Variants in PDE8B observed in about 807,000 individuals in gnomAD.
The protein encoded by PDE8B is high affinity cAMP-specific and IBMX-insensitive 3',5'-cyclic phosphodiesterase 8B.
In PDE8B, 26 loss-of-function variants were observed where a neutral mutation model predicts 101.3. The ratio of observed to expected loss-of-function variants is 0.26; its 90% CI spans 0.19 to 0.36. PDE8B has a LOEUF of 0.36. PDE8B is among the 10% of genes least tolerant of loss of function. The pLI is 1.00. For synonymous variants in PDE8B, 424 were observed against 429.3 expected (o/e 0.99, Z 0.15); for missense variants, 810 against 1,163.1 (o/e 0.70, Z 4.42).
At chr5:77,126,555 A>G in the PDE8B span, among the ~76,000 whole-genome samples, 2 of 152,114 alleles carry the variant, frequency 1.3e-5, no homozygotes, top group South Asian at 4.1e-4. Context: ...CCTCCCGAGT[A>G]GCTGGGACTA....
At chr5:77,245,454 A>G (rs975803562) in intron 1 of PDE8B, among the ~76,000 whole-genome samples, 1 of 152,248 alleles carries the variant, frequency 6.6e-6, no homozygotes, top group Non-Finnish European at 1.5e-5. Flanking sequence ...ATTATCATTA[A>G]CAATGACTAT....
At position 77,344,948 on chromosome 5, in the gene PDE8B, C is replaced by G; in HGVS notation, c.876+17C>G. On this transcript the variant is annotated intron_variant, in intron 7 of 21. Transcript: ENST00000264917. ...GTGATTCAGGTATGGAAAGAAACCA[C>G]CTCTATCATTAACATTCAAAATGAA... is the stretch of plus-strand genomic sequence containing the variant. The G allele has an allele frequency of 5.2e-6, 8 of 1,530,058 alleles. No individual in the cohort carries two copies. The highest frequency in any genetic ancestry group is 7.3e-6 in the Non-Finnish European group (8 of 1,103,254). 94.8% of individuals were successfully genotyped at this position (1,530,058 alleles called of 1,614,324 possible).
At chr5:77,382,465 G>C (rs1344274888) in intron 10 of PDE8B, among the ~76,000 whole-genome samples, 1 of 152,086 alleles carries the variant, frequency 6.6e-6, no homozygotes, top group Non-Finnish European at 1.5e-5. Flanking sequence ...AAGTTCTGGG[G>C]TACATGTGCA....
chr5:77,325,480 T>C, intron 2 of PDE8B, 59 bp from the exon 3 acceptor site: 1 of 1,530,014 alleles, frequency 6.5e-7, no homozygotes, highest in South Asian at 1.1e-5. Context: ...CTAGGCTTGT[T>C]TTTAATAGTC....
chr5:77,355,404 C>T (rs905457485), intron 10 of PDE8B, among the ~76,000 whole-genome samples: 2 of 152,148 alleles, frequency 1.3e-5, no homozygotes. Context: ...GAGGCTGCAG[C>T]GAATGGCAAT....
chr5:77,172,306 G>A, the PDE8B span, among the ~76,000 whole-genome samples: 1 of 152,176 alleles, frequency 6.6e-6, no homozygotes, highest in African/African-American at 2.4e-5. Context: ...TGAATAACCT[G>A]ACTGATGAAA....
chr5:77,340,310 A>G (rs985336373), intron 6 of PDE8B, among the ~76,000 whole-genome samples: 1 of 152,200 alleles, frequency 6.6e-6, no homozygotes, highest in African/African-American at 2.4e-5. Context: ...CACATCTCTC[A>G]GTATTAACAG....
chr5:77,107,230 C>T, the PDE8B span, among the ~76,000 whole-genome samples: 1 of 152,210 alleles, frequency 6.6e-6, no homozygotes, highest in African/African-American at 2.4e-5. Context: ...AGGACACGAA[C>T]TCATCCTTTT....
the PDE8B span, among the ~76,000 whole-genome samples, chr5:77,198,229 C>T: frequency 6.6e-6 from 1 of 152,148 alleles, no homozygotes; most frequent in Admixed American, 6.5e-5. Context: ...GGATTCTCTA[C>T]TGAATGCCCT....
At chr5:77,363,306 GCA>G (rs1296063530) in intron 10 of PDE8B, among the ~76,000 whole-genome samples, 1 of 152,204 alleles carries the variant, frequency 6.6e-6, no homozygotes, top group Non-Finnish European at 1.5e-5. Flanking sequence ...AATAAAGGAA[GCA>G]CAAGTGTATC....
At chr5:77,267,703 G>A (rs907678192) in intron 1 of PDE8B, among the ~76,000 whole-genome samples, 4 of 152,282 alleles carry the variant, frequency 2.6e-5, no homozygotes, top group African/African-American at 7.2e-5. Context: ...TAATCAGTGC[G>A]TGTTTCTCAC....
At chr5:77,407,600 A>C in intron 13 of PDE8B, 143 bp downstream of exon 13, 1 of 692,380 alleles carries the variant, frequency 1.4e-6, no homozygotes, top group Non-Finnish European at 2.6e-6. Flanking sequence ...GCAAATAAAC[A>C]CCTCATCCTA....
At chr5:77,244,653 C>A (rs554674824) in intron 1 of PDE8B, among the ~76,000 whole-genome samples, 153 of 152,166 alleles carry the variant, frequency 1.0e-3, no homozygotes, top group African/African-American at 3.4e-3. Flanking sequence ...CTCTCTCTCT[C>A]TCTATATATA....
chr5:77,369,767 A>G (rs1784758633), intron 10 of PDE8B, among the ~76,000 whole-genome samples: 1 of 152,236 alleles, frequency 6.6e-6, no homozygotes, highest in Admixed American at 6.5e-5. Flanking sequence ...GCCTTTGAAC[A>G]AATGTTTTCA....
chr5:77,101,426 C>G, the PDE8B span, among the ~76,000 whole-genome samples: 1 of 152,130 alleles, frequency 6.6e-6, no homozygotes, highest in Non-Finnish European at 1.5e-5. Flanking sequence ...TGGCACTACT[C>G]AGGATGATCC....
chr5:77,310,012 C>T (rs1317659235), intron 1 of PDE8B, among the ~76,000 whole-genome samples: 8 of 117,426 alleles, frequency 6.8e-5, no homozygotes, highest in South Asian at 6.1e-4. Flanking sequence ...CGCAATGGCA[C>T]GGTTTCGGCT....
At chr5:77,300,995 G>A (rs544696778) in intron 1 of PDE8B, among the ~76,000 whole-genome samples, 1 of 152,276 alleles carries the variant, frequency 6.6e-6, no homozygotes, top group Non-Finnish European at 1.5e-5. Flanking sequence ...TTTTTAAATG[G>A]GAATTAGTGC....
chr5:77,412,375 T>C, intron 16 of PDE8B, 140 bp downstream of exon 16: 1 of 809,888 alleles, frequency 1.2e-6, no homozygotes, highest in Non-Finnish European at 2.1e-6. Context: ...TAGAGTAGTG[T>C]TGAATGAGCA....
In PDE8B at chr5:77,241,151, A is replaced by G. The variant is rs75238957; in HGVS notation, c.339+29887A>G. Among the ~76,000 whole-genome samples, 577 of 152,334 alleles carry G rather than the reference A, an allele frequency of 3.8e-3. 2 individuals are homozygous for G. Among genetic ancestry groups the G allele is most frequent in the African/African-American group, 0.013 (548 of 41,580 alleles). On this transcript the variant is annotated intron_variant, in intron 1 of 21. Coordinates refer to ENST00000264917, the MANE Select transcript of PDE8B (RefSeq NM_003719.5). ...TTTGGAAGAGTGGCTTTTGAATAAA[A>G]CATCCGGAAAACTGGTTGATACACT...
Sources: allele counts gnomAD v4.1 joint callset (sites outside exome capture counted in the v4.1 genomes callset), GRCh38; gene constraint gnomAD v4.1.1; transcripts MANE v1.5; gene names NCBI Gene and HGNC (gene_info 2026-07-23, HGNC 2026-07-21).